Variants in CPTP observed in about 807,000 individuals in gnomAD.
The protein encoded by CPTP is GLTP domain-containing protein 1.
In CPTP, 5 loss-of-function variants were observed where a neutral mutation model predicts 5.7. The ratio of observed to expected loss-of-function variants is 0.88; its 90% CI spans 0.46 to 1.86. CPTP has a LOEUF of 1.86. Among genes scored for constraint, CPTP ranks in the 40% most tolerant of loss-of-function variants. The pLI is 0.01. For synonymous variants in CPTP, 166 were observed against 142.7 expected (o/e 1.16, Z -1.16); for missense variants, 335 against 306.5 (o/e 1.09, Z -0.69).
At chr1:1,326,135 G>A (rs528013444) in intron 1 of CPTP, among the ~76,000 whole-genome samples, 4 of 152,276 alleles carry the variant, frequency 2.6e-5, no homozygotes, top group Non-Finnish European at 5.9e-5. Context: ...TAGTACAAGA[G>A]CCTCGTGGCA....
Position 1,328,105 on chromosome 1 carries a change from T to G in CPTP, c.*342T>G, listed in dbSNP as rs1569627213. On this transcript the variant is annotated 3_prime_UTR_variant, in exon 3 of 3. Transcript: ENST00000343938. Reference sequence around the variant, plus strand: ...AAGAGCCCGAAAGGTCGCCACCCCCTAGCCTGTGGGGTGCATCTGCGAACC... The same window carrying G: ...AAGAGCCCGAAAGGTCGCCACCCCCGAGCCTGTGGGGTGCATCTGCGAACC... 3 of 384,254 alleles carry G rather than the reference T, an allele frequency of 7.8e-6. No homozygotes were observed. The highest frequency in any genetic ancestry group is 6.1e-5 in the East Asian group (1 of 16,296). 23.8% of individuals were successfully genotyped at this position (384,254 alleles called of 1,614,324 possible). A position where few individuals can be genotyped will look rare whatever the true frequency, so the allele number is the denominator to read the frequency against.
chr1:1,326,653 G>A (rs1217815862), intron 1 of CPTP, among the ~76,000 whole-genome samples, 183 bp from the exon 2 acceptor site: 3 of 152,212 alleles, frequency 2.0e-5, no homozygotes, highest in Non-Finnish European at 2.9e-5. Context: ...CCACAGGAGG[G>A]GCTGTGCCAA....
In CPTP at chr1:1,327,346, C is replaced by T. The variant is rs771043026; in HGVS notation, c.228C>T (p.Tyr76=). 2.5e-6 allele frequency: 4 copies of T among 1,598,664 alleles called. No homozygotes were observed. The Admixed American group carries it at 6.7e-5, about 27-fold the overall frequency. The change falls in exon 3 of 3, where the codon TAC becomes TAT. Residue 76 remains tyrosine, a synonymous_variant. Coordinates refer to ENST00000343938, the MANE Select transcript of CPTP (RefSeq NM_001029885.2). ...RLRGGPQSEH[Y]RSLQAMVAHE... ...GGGGCGGCCCGCAGAGCGAGCACTA[C>T]CGCAGCCTGCAGGCCATGGTGGCCC...
Position 1,324,891 on chromosome 1 carries a change from C to A in CPTP, c.-287C>A. ...CCAACCCGCACGGTCCGGAAGTCGCCGAGGGGCCGGGAGCGGGAGGGGACG... is the reference window on the plus strand; with the variant it reads ...CCAACCCGCACGGTCCGGAAGTCGCAGAGGGGCCGGGAGCGGGAGGGGACG... On this transcript the variant is annotated 5_prime_UTR_variant, in exon 1 of 3. Coordinates refer to ENST00000343938, the MANE Select transcript of CPTP (RefSeq NM_001029885.2). The A allele has an allele frequency of 2.6e-6, 1 of 387,640 alleles. No individual in the cohort carries two copies. Among genetic ancestry groups the A allele is most frequent in the Non-Finnish European group, 4.6e-6 (1 of 217,238 alleles). 24.0% of individuals were successfully genotyped at this position (387,640 alleles called of 1,614,324 possible).
rs1013294036 is a variant in CPTP, at chr1:1,328,887, C to G, written c.*1124C>G. 6.6e-6 allele frequency: 1 copy of G among 152,244 alleles called. No homozygotes were observed. Among genetic ancestry groups the G allele is most frequent in the Non-Finnish European group, 1.5e-5 (1 of 68,034 alleles). The allele number at this position is 152,244 out of a possible 1,614,324, so 9.4% of individuals were successfully genotyped here. A position where few individuals can be genotyped will look rare whatever the true frequency, so the allele number is the denominator to read the frequency against. The stretch of plus-strand genomic sequence containing the variant: ...CACACAGCCTCCCAGGAGGGAGACG[C>G]TGGGGTGCACTGGGTGCCTGATTTC... On this transcript the variant is annotated 3_prime_UTR_variant, in exon 3 of 3. Coordinates refer to ENST00000343938, the MANE Select transcript of CPTP (RefSeq NM_001029885.2).
chr1:1,326,807 G>A (rs1296797949), intron 1 of CPTP, 29 bp from the exon 2 acceptor site: 42 of 1,445,058 alleles, frequency 2.9e-5, no homozygotes, highest in Middle Eastern at 1.8e-4. Flanking sequence ...CAATGGGATC[G>A]CAGCTATTTT....
chr1:1,325,490 T>G (rs1030957737), intron 1 of CPTP: 2 of 152,208 alleles, frequency 1.3e-5, no homozygotes, highest in African/African-American at 4.8e-5. Context: ...GACCATCTTC[T>G]CAGTGGACAA....
chr1:1,327,523 CGCGCTCT>C lies in CPTP; in HGVS notation c.410_416del (p.Leu137ProfsTer37). On this transcript the variant is annotated frameshift_variant, in exon 3 of 3. Coordinates refer to ENST00000343938, the MANE Select transcript of CPTP (RefSeq NM_001029885.2). LOFTEE classifies it high-confidence loss of function. ...CCAGCCCCGAGGACGCACGCACCTC[CGCGCTCT>C]GCGCCGACTCCTACAACGCCTCGCT... 1.3e-6 allele frequency: 2 copies of C among 1,579,856 alleles called. No individual in the cohort carries two copies. The highest frequency in any genetic ancestry group is 1.7e-6 in the Non-Finnish European group (2 of 1,165,936).
rs989060150 is a variant in CPTP, at chr1:1,327,603, T to A, written c.485T>A (p.Phe162Tyr). The change falls in exon 3 of 3, where the codon TTC becomes TAC. Residue 162 changes from phenylalanine to tyrosine, a missense_variant. Phe to Tyr is a conservative substitution (Grantham distance 22). Transcript: ENST00000343938. ...WVVRRAVTVA[F>Y]CTLPTREVFL... is the part of the protein sequence containing the mutation. ...GTGCGCCGCGCCGTCACCGTGGCCTTCTGCACGCTGCCCACACGCGAGGTC... is the reference window on the plus strand; with the variant it reads ...GTGCGCCGCGCCGTCACCGTGGCCTACTGCACGCTGCCCACACGCGAGGTC... 6.2e-7 allele frequency: 1 copy of A among 1,611,656 alleles called. No homozygotes were observed. Among genetic ancestry groups the A allele is most frequent in the Non-Finnish European group, 8.5e-7 (1 of 1,179,546 alleles).
At chr1:1,327,100 C>A in intron 2 of CPTP, 68 bp downstream of exon 2, 1 of 1,599,510 alleles carries the variant, frequency 6.3e-7, no homozygotes, top group Non-Finnish European at 8.5e-7. Context: ...GTGGCATCTG[C>A]CTCCCGACTG....
At position 1,327,512 on chromosome 1, in the gene CPTP, G is replaced by A. The variant is rs373437326; in HGVS notation, c.394G>A (p.Ala132Thr). 66 of 1,577,146 alleles carry A rather than the reference G, an allele frequency of 4.2e-5. No individual in the cohort carries two copies. The highest frequency in any genetic ancestry group is 1.2e-4 in the African/African-American group (9 of 74,208). ...LEGLRTSPEDARTSALCADSY... is the reference protein window; with the variant it reads ...LEGLRTSPEDTRTSALCADSY... ...GGGCCTGCGTACCAGCCCCGAGGACGCACGCACCTCCGCGCTCTGCGCCGA... is the reference window on the plus strand; with the variant it reads ...GGGCCTGCGTACCAGCCCCGAGGACACACGCACCTCCGCGCTCTGCGCCGA... The change falls in exon 3 of 3, where the codon GCA (alanine) becomes ACA (threonine). Residue 132 changes from alanine (A) to threonine (T), a missense_variant. Ala to Thr is a moderately conservative substitution (Grantham distance 58, BLOSUM62 0). Transcript: ENST00000343938.
Position 1,327,726 on chromosome 1 carries a change from A to G in CPTP, c.608A>G (p.Lys203Arg), listed in dbSNP as rs1643342686. 1.2e-6 allele frequency: 2 copies of G among 1,612,504 alleles called. No homozygotes were observed. Among genetic ancestry groups the G allele is most frequent in the Non-Finnish European group, 1.7e-6 (2 of 1,179,924 alleles). ...CAGCGTGTCTACAACGTCTCCCAGAAGCTCTACGCCGAGCACTCCCTGCTG... is the reference window on the plus strand; with the variant it reads ...CAGCGTGTCTACAACGTCTCCCAGAGGCTCTACGCCGAGCACTCCCTGCTG... ...FIQRVYNVSQ[K>R]LYAEHSLLDL... The change falls in exon 3 of 3, where the codon AAG (lysine) becomes AGG (arginine). Residue 203 changes from lysine to arginine, a missense_variant. Lys to Arg is a conservative substitution (Grantham distance 26). Transcript: ENST00000343938.
chr1:1,327,971 C>T lies in CPTP; in HGVS notation c.*208C>T. The T allele has an allele frequency of 3.2e-6, 2 of 626,128 alleles. No individual in the cohort carries two copies. The highest frequency in any genetic ancestry group is 5.5e-6 in the Non-Finnish European group (2 of 361,920). 38.8% of individuals were successfully genotyped at this position (626,128 alleles called of 1,614,324 possible). The stretch of plus-strand genomic sequence containing the variant: ...AGAGGCCCACCCTCTCGGTCCGGAA[C>T]AAGACGCCTCGGCCACGGCTCCCCC... On this transcript the variant is annotated 3_prime_UTR_variant, in exon 3 of 3. Transcript: ENST00000343938.
chr1:1,328,861 TCACAC>T lies in CPTP; in HGVS notation c.*1099_*1103del. On this transcript the variant is annotated 3_prime_UTR_variant, in exon 3 of 3. Transcript: ENST00000343938. Reference sequence around the variant, plus strand: ...TGTGATGTCTTCCAACGTTAATAAATCACACAGCCTCCCAGGAGGGAGACGCTGGG... The same window carrying T: ...TGTGATGTCTTCCAACGTTAATAAATAGCCTCCCAGGAGGGAGACGCTGGG... The T allele has an allele frequency of 6.6e-6, 1 of 152,398 alleles. No homozygotes were observed. The highest frequency in any genetic ancestry group is 2.4e-5 in the African/African-American group (1 of 41,556). The allele number at this position is 152,398 out of a possible 1,614,324, so 9.4% of individuals were successfully genotyped here. A position where few individuals can be genotyped will look rare whatever the true frequency, so the allele number is the denominator to read the frequency against.
rs539009752 is a variant in CPTP, at chr1:1,324,941, G to A, written c.-237G>A. 1.6e-5 allele frequency: 5 copies of A among 305,930 alleles called. No homozygotes were observed. The highest frequency in any genetic ancestry group is 2.4e-5 in the Non-Finnish European group (4 of 166,906). The allele number at this position is 305,930 out of a possible 1,614,324, so 19.0% of individuals were successfully genotyped here. ...GTCGTCCTAGAGGGCCGGAGCGGGC[G>A]GGCGGCCGAGGACCCGGCTCCCGCG... On this transcript the variant is annotated 5_prime_UTR_variant, in exon 1 of 3. Transcript: ENST00000343938.
In CPTP at chr1:1,328,042, T is replaced by G. The variant is rs1643349599; in HGVS notation, c.*279T>G. On this transcript the variant is annotated 3_prime_UTR_variant, in exon 3 of 3. Coordinates refer to ENST00000343938, the MANE Select transcript of CPTP (RefSeq NM_001029885.2). ...GCAGCCAGGCCTCGCCAGGGTGCGG[T>G]GCAGAGCAGAGCAGGCAGGGGTGGG... 5.7e-6 allele frequency: 3 copies of G among 524,902 alleles called. No individual in the cohort carries two copies. The highest frequency in any genetic ancestry group is 7.0e-5 in the Admixed American group (2 of 28,492). The allele number at this position is 524,902 out of a possible 1,614,324, so 32.5% of individuals were successfully genotyped here.
rs1325381660 is a variant in CPTP, at chr1:1,327,854, C to T, written c.*91C>T. 9.9e-6 allele frequency: 14 copies of T among 1,407,750 alleles called. No homozygotes were observed. Among genetic ancestry groups the T allele is most frequent in the African/African-American group, 4.3e-5 (3 of 70,032 alleles). 87.2% of individuals were successfully genotyped at this position (1,407,750 alleles called of 1,614,324 possible). A position where few individuals can be genotyped will look rare whatever the true frequency, so the allele number is the denominator to read the frequency against. On this transcript the variant is annotated 3_prime_UTR_variant, in exon 3 of 3. Coordinates refer to ENST00000343938, the MANE Select transcript of CPTP (RefSeq NM_001029885.2). ...GAGTCCCGTGGCAGAGCCTTCTGGGCGCTGCGGGAACAGGAGATCCTCTGT... is the reference window on the plus strand; with the variant it reads ...GAGTCCCGTGGCAGAGCCTTCTGGGTGCTGCGGGAACAGGAGATCCTCTGT...
chr1:1,324,988 G>C lies in CPTP; in HGVS notation c.-190G>C. ...CGCGCAGGACGGAGCCGTGGCTCAG[G>C]TCGGCCCCTCCCCAACACCACCCCG... On this transcript the variant is annotated 5_prime_UTR_variant, in exon 1 of 3. Transcript: ENST00000343938. 4.3e-6 allele frequency: 1 copy of C among 231,330 alleles called. No homozygotes were observed. Among genetic ancestry groups the C allele is most frequent in the African/African-American group, 2.3e-5 (1 of 43,728 alleles). The allele number at this position is 231,330 out of a possible 1,614,324, so 14.3% of individuals were successfully genotyped here. A position where few individuals can be genotyped will look rare whatever the true frequency, so the allele number is the denominator to read the frequency against.
intron 1 of CPTP, among the ~76,000 whole-genome samples, chr1:1,325,841 C>T (rs1038946201): frequency 2.0e-5 from 3 of 152,188 alleles, no homozygotes; most frequent in Non-Finnish European, 4.4e-5. Context: ...CCTCCCCCAC[C>T]GATGGAGTCC....
Sources: allele counts gnomAD v4.1 joint callset (sites outside exome capture counted in the v4.1 genomes callset), GRCh38; gene constraint gnomAD v4.1.1; transcripts MANE v1.5; gene names NCBI Gene and HGNC (gene_info 2026-07-23, HGNC 2026-07-21).